The following TRPM3 variants were observed in gnomAD, a reference collection of about 807,000 sequenced individuals.
TRPM3 encodes the protein transient receptor potential cation channel subfamily M member 3.
Under a neutral mutation model 181.2 loss-of-function variants are expected in TRPM3, and 77 were observed. The ratio of observed to expected loss-of-function variants is 0.42; its 90% CI spans 0.35 to 0.51. The LOEUF (loss-of-function observed/expected upper bound fraction) is 0.51, where lower values mean the gene tolerates loss of function less well. Ranked by LOEUF, TRPM3 falls within the 20% of genes least tolerant of loss-of-function variation. The pLI, the probability that TRPM3 is intolerant of heterozygous loss-of-function variation, is 0.01. For missense variants in TRPM3, 1,759 were observed against 2,196.7 expected, an observed-to-expected ratio of 0.80 and a Z score of 3.98; for synonymous variants, 745 against 796.4, an observed-to-expected ratio of 0.94 and a Z score of 1.09.
chr9:70,925,518 T>C lies in TRPM3; in HGVS notation c.178-61007A>G, dbSNP rs187572024. 1.1e-3 allele frequency among the ~76,000 whole-genome samples: 169 copies of C among 152,080 alleles called. 1 individual carries two copies. In the East Asian group the frequency reaches 0.024, roughly 21 times the overall value. On this transcript the variant is annotated intron_variant, in intron 1 of 25. Coordinates refer to ENST00000677713, the MANE Select transcript of TRPM3 (RefSeq NM_001366145.2). ...TACAGTAAATATCATGGAACAAATGTTGGTAGAATATGGAAAAAAATATAT... is the reference window on the plus strand; with the variant it reads ...TACAGTAAATATCATGGAACAAATGCTGGTAGAATATGGAAAAAAATATAT...
At chr9:71,367,740 G>A (rs1366174518) in intron 1 of TRPM3, among the ~76,000 whole-genome samples, 4 of 152,108 alleles carry the variant, frequency 2.6e-5, no homozygotes, top group African/African-American at 9.7e-5. Flanking sequence ...AAGGTATGAG[G>A]AATTAGCAAT....
chr9:70,914,869 G>A (rs998652745), intron 1 of TRPM3, among the ~76,000 whole-genome samples: 1 of 152,202 alleles, frequency 6.6e-6, no homozygotes, highest in African/African-American at 2.4e-5. Context: ...CCATGAGTTT[G>A]CAAGAACTAC....
At chr9:71,298,468 G>A (rs988890790) in intron 1 of TRPM3, among the ~76,000 whole-genome samples, 3 of 147,870 alleles carry the variant, frequency 2.0e-5, no homozygotes, top group Non-Finnish European at 4.5e-5. Context: ...AAAATAATCT[G>A]GTCTTTTTTT....
At chr9:70,951,582 T>C (rs35824177) in intron 1 of TRPM3, among the ~76,000 whole-genome samples, 8,857 of 152,274 alleles carry the variant, frequency 0.058, 306 homozygotes, top group South Asian at 0.082. Context: ...CCTCAGGTGA[T>C]CCGACTGCCT....
intron 1 of TRPM3, among the ~76,000 whole-genome samples, chr9:71,051,287 C>T (rs1442360323): frequency 6.6e-6 from 1 of 152,156 alleles, no homozygotes; most frequent in Non-Finnish European, 1.5e-5. Flanking sequence ...GACTCAAAAA[C>T]ATGTTTAAGT....
At chr9:71,241,487 G>A (rs1404142786) in intron 1 of TRPM3, among the ~76,000 whole-genome samples, 2 of 138,090 alleles carry the variant, frequency 1.4e-5, no homozygotes, top group African/African-American at 2.7e-5. Context: ...CACACACCGG[G>A]GCCTGCCGTG....
In TRPM3 at chr9:71,010,216, C is replaced by CA. The variant is rs368143984; in HGVS notation, c.177+110961dup. Among the ~76,000 whole-genome samples, 122 of 151,830 alleles carry CA rather than the reference C, an allele frequency of 8.0e-4. No homozygotes were observed. The East Asian group carries it at 0.022, about 27-fold the overall frequency. On this transcript the variant is annotated intron_variant, in intron 1 of 25. Transcript: ENST00000677713. ...ACCTCAAAAACATAGGCAACAAATG[C>CA]AAAAAAGACAAATGCGGTTACATGA...
In TRPM3 at chr9:71,053,092, GAAAAAAAA is replaced by G. The variant is rs36015552; in HGVS notation, c.177+68078_177+68085del. On this transcript the variant is annotated intron_variant, in intron 1 of 25. Coordinates refer to ENST00000677713, the MANE Select transcript of TRPM3 (RefSeq NM_001366145.2). ...ACTTCTTCTTTAGAACCATCCTAAG[GAAAAAAAA>G]AAAAAAAAAAAAAAAAAGCAGCAGG... Among the ~76,000 whole-genome samples the G allele has an allele frequency of 2.4e-4, 15 of 62,464 alleles. No individual in the cohort carries two copies. In the East Asian group the frequency reaches 2.8e-3, roughly 12 times the overall value. The allele number at this position is 62,464 out of a possible 152,430, so 41.0% of individuals were successfully genotyped here.
At chr9:70,600,971 TC>T (rs1287650394) in intron 20 of TRPM3, among the ~76,000 whole-genome samples, 1 of 151,830 alleles carries the variant, frequency 6.6e-6, no homozygotes, top group Admixed American at 6.6e-5. Context: ...AAGTCAAGAA[TC>T]CCCCCTGCCT....
chr9:70,644,468 C>T (rs1415319614), intron 9 of TRPM3, among the ~76,000 whole-genome samples: 2 of 152,156 alleles, frequency 1.3e-5, no homozygotes, highest in South Asian at 2.1e-4. Context: ...ACATGATTAT[C>T]TCAATAGATG....
chr9:71,132,730 CTG>C (rs929514011), intron 1 of TRPM3, among the ~76,000 whole-genome samples: 3 of 152,140 alleles, frequency 2.0e-5, no homozygotes, highest in African/African-American at 7.2e-5. Context: ...CCATCAATAA[CTG>C]TTGATGTAAT....
chr9:71,037,196 CTTA>C (rs2058307629), intron 1 of TRPM3, among the ~76,000 whole-genome samples: 1 of 152,116 alleles, frequency 6.6e-6, no homozygotes, highest in African/African-American at 2.4e-5. Context: ...TTGATCTATT[CTTA>C]TTATGATTAT....
chr9:71,030,737 A>T (rs1057088566), intron 1 of TRPM3, among the ~76,000 whole-genome samples: 1 of 152,182 alleles, frequency 6.6e-6, no homozygotes, highest in Non-Finnish European at 1.5e-5. Context: ...TAAATGTATT[A>T]ATCTGTAAAA....
chr9:70,999,977 CA>C (rs1341090727), intron 1 of TRPM3, among the ~76,000 whole-genome samples: 3 of 152,050 alleles, frequency 2.0e-5, no homozygotes, highest in Non-Finnish European at 4.4e-5. Context: ...AGAACTGTGC[CA>C]AGTCTTTATT....
intron 1 of TRPM3, among the ~76,000 whole-genome samples, chr9:71,066,176 A>C (rs2061898448): frequency 6.6e-6 from 1 of 152,214 alleles, no homozygotes; most frequent in African/African-American, 2.4e-5. Flanking sequence ...AAAACTTTAC[A>C]GTTATAAATT....
chr9:71,446,782 G>T, exon 1 of TRPM3: 1 of 1,550,368 alleles, frequency 6.5e-7, no homozygotes, highest in Non-Finnish European at 8.7e-7. Flanking sequence ...CGTTGTCCTC[G>T]CGGTCGGAGC....
At chr9:71,265,866 T>C (rs1214931483) in intron 1 of TRPM3, among the ~76,000 whole-genome samples, 1 of 152,244 alleles carries the variant, frequency 6.6e-6, no homozygotes, top group East Asian at 1.9e-4. Flanking sequence ...TCTCATATTT[T>C]AAGTTCAAGC....
At chr9:71,093,892 G>A (rs1316220237) in intron 1 of TRPM3, among the ~76,000 whole-genome samples, 6 of 151,946 alleles carry the variant, frequency 3.9e-5, no homozygotes, top group Non-Finnish European at 8.8e-5. Context: ...TACACCATGG[G>A]ATCCTATGCA....
rs533757528 is a variant in TRPM3 at position 70,923,937 on chromosome 9, CAT to C, written c.178-59428_178-59427del. Among the ~76,000 whole-genome samples the C allele has an allele frequency of 3.0e-3, 430 of 145,072 alleles. 2 individuals carry two copies. The highest frequency in any genetic ancestry group is 0.01 in the African/African-American group (386 of 37,454). ...ATATACATATATACACACATATATA[CAT>C]ATATATATACACACACACACATATA... is the stretch of plus-strand genomic sequence containing the variant. On this transcript the variant is annotated intron_variant, in intron 1 of 25. Coordinates refer to ENST00000677713, the MANE Select transcript of TRPM3 (RefSeq NM_001366145.2).
Sources: gnomAD v4.1 joint callset for allele counts (sites outside exome capture counted in the v4.1 genomes callset) on GRCh38, gnomAD v4.1.1 for gene constraint, MANE v1.5 for transcripts, NCBI Gene and HGNC (gene_info 2026-07-23, HGNC 2026-07-21) for gene names.